SPMIP8: variants seen among roughly 807,000 people sequenced by gnomAD.
The protein encoded by SPMIP8 is testicular tissue protein Li 196.
chr16:57,984,578 G>C, the SPMIP8 span: 1 of 1,499,362 alleles, frequency 6.7e-7, no homozygotes, highest in Non-Finnish European at 8.9e-7. Context: ...GACTGGGATG[G>C]CTTCCCTAGG....
At chr16:57,981,971 A>G in the SPMIP8 span, among the ~76,000 whole-genome samples, 1 of 152,298 alleles carries the variant, frequency 6.6e-6, no homozygotes, top group Non-Finnish European at 1.5e-5. Flanking sequence ...CCGCTCAGTC[A>G]ATACATTGCG....
the SPMIP8 span, chr16:57,984,841 G>C: frequency 3.2e-6 from 5 of 1,563,296 alleles, no homozygotes; most frequent in Admixed American, 1.9e-5. Flanking sequence ...AGGAACTGCC[G>C]GGCAGGTGGG....
the SPMIP8 span, chr16:57,986,082 CGAG>C: frequency 1.9e-6 from 2 of 1,051,076 alleles, no homozygotes; most frequent in Non-Finnish European, 2.6e-6. Flanking sequence ...TGGGAGGGCG[CGAG>C]CTGCTTCGCT....
At chr16:57,985,549 A>G in the SPMIP8 span, 546 of 1,591,816 alleles carry the variant, frequency 3.4e-4, no homozygotes, top group East Asian at 0.011. Context: ...GACTCCCTGT[A>G]AGTGACGCCA....
the SPMIP8 span, among the ~76,000 whole-genome samples, chr16:57,980,866 G>A: frequency 2.0e-5 from 3 of 151,978 alleles, no homozygotes; most frequent in Admixed American, 6.6e-5. Flanking sequence ...GGCTATTTTT[G>A]TTGCTGTTGT....
chr16:57,977,407 C>CAAAAAAAAAAAAAA, the SPMIP8 span, among the ~76,000 whole-genome samples: 6 of 99,810 alleles, frequency 6.0e-5, no homozygotes, highest in Non-Finnish European at 8.0e-5. Flanking sequence ...GAGACTGTCT[C>CAAAAAAAAAAAAAA]AAAAAAAAAA....
the SPMIP8 span, chr16:57,985,441 C>T: frequency 6.2e-7 from 1 of 1,613,542 alleles, no homozygotes; most frequent in Non-Finnish European, 8.5e-7. Context: ...CGTCCGTGCT[C>T]CCCCGACTCA....
chr16:57,980,004 C>T, the SPMIP8 span, among the ~76,000 whole-genome samples: 1 of 152,134 alleles, frequency 6.6e-6, no homozygotes, highest in South Asian at 2.1e-4. Context: ...GCGGAGGTTG[C>T]GATGAGCCGA....
chr16:57,981,076 T>G, the SPMIP8 span, among the ~76,000 whole-genome samples: 1 of 152,054 alleles, frequency 6.6e-6, no homozygotes, highest in Non-Finnish European at 1.5e-5. Flanking sequence ...TGGCCTTAGG[T>G]CCTGTTAATA....
chr16:57,984,854 G>T, the SPMIP8 span: 1 of 1,550,488 alleles, frequency 6.4e-7, no homozygotes, highest in Non-Finnish European at 8.7e-7. Context: ...CAGGTGGGCC[G>T]CGGGGCTGGA....
At chr16:57,981,501 C>CTT in the SPMIP8 span, among the ~76,000 whole-genome samples, 23 of 68,978 alleles carry the variant, frequency 3.3e-4, no homozygotes, top group Non-Finnish European at 5.2e-4. Flanking sequence ...CTCTCTTTCT[C>CTT]TTTTTTTTTT....
chr16:57,985,846 G>T, the SPMIP8 span: 2 of 1,553,858 alleles, frequency 1.3e-6, no homozygotes, highest in Non-Finnish European at 1.7e-6. Context: ...CCGAGGTCGA[G>T]TGAGGCGCCC....
At chr16:57,987,133 T>G in the SPMIP8 span, 2 of 407,320 alleles carry the variant, frequency 4.9e-6, no homozygotes, top group Non-Finnish European at 8.7e-6. Flanking sequence ...CAGAGTAGGT[T>G]CACTAAATGA....
chr16:57,985,389 C>A, the SPMIP8 span: 1 of 1,606,250 alleles, frequency 6.2e-7, no homozygotes. Flanking sequence ...TCTTCAGGAC[C>A]ACGGTCTCTA....
chr16:57,978,097 G>A, the SPMIP8 span: 3 of 1,542,090 alleles, frequency 1.9e-6, no homozygotes, highest in South Asian at 3.6e-5. Flanking sequence ...TCAGGAAAGA[G>A]GGAGACAGAT....
At chr16:57,984,887 G>A in the SPMIP8 span, 5 of 1,475,454 alleles carry the variant, frequency 3.4e-6, no homozygotes, top group East Asian at 4.8e-5. Flanking sequence ...GACTGCGGAC[G>A]GGAACGCAGG....
the SPMIP8 span, among the ~76,000 whole-genome samples, chr16:57,983,321 T>G: frequency 1.3e-5 from 2 of 152,106 alleles, no homozygotes; most frequent in African/African-American, 4.8e-5. Context: ...TCTTTCAATA[T>G]TAAGGAATAT....
the SPMIP8 span, chr16:57,985,591 A>G: frequency 1.3e-6 from 2 of 1,554,266 alleles, no homozygotes; most frequent in East Asian, 2.3e-5. Context: ...TGGAGGAGGG[A>G]GGATGAGGTC....
chr16:57,985,462 A>G, the SPMIP8 span: 5 of 1,613,830 alleles, frequency 3.1e-6, no homozygotes, highest in Non-Finnish European at 4.2e-6. Flanking sequence ...CCGCGCCCCT[A>G]TCCCTGCTGC....
Sources: allele counts gnomAD v4.1 joint callset (sites outside exome capture counted in the v4.1 genomes callset), GRCh38; gene constraint gnomAD v4.1.1; transcripts MANE v1.5; gene names NCBI Gene and HGNC (gene_info 2026-07-23, HGNC 2026-07-21).